The following RUNX1 variants were observed in gnomAD, a reference collection of about 807,000 sequenced individuals.
RUNX1 encodes runt-related transcription factor 1.
RUNX1 carries 19 observed loss-of-function variants against 42.8 expected under a neutral mutation model. The ratio of observed to expected loss-of-function variants is 0.44; its 90% CI spans 0.31 to 0.65. RUNX1 has a LOEUF of 0.65. Among genes scored for constraint, RUNX1 ranks in the 30% least tolerant of loss-of-function variants. RUNX1 has a pLI of 0.07. For missense variants in RUNX1, 528 were observed against 672.0 expected (o/e 0.79, Z 2.37); for synonymous variants, 271 against 289.4 (o/e 0.94, Z 0.64).
chr21:34,846,648 T>C (rs540624891), intron 6 of RUNX1, among the ~76,000 whole-genome samples: 4 of 152,314 alleles, frequency 2.6e-5, no homozygotes, highest in African/African-American at 9.6e-5. Flanking sequence ...CCGCAGTCTT[T>C]CCACCAGGTC....
chr21:35,027,334 T>C (rs1471420883), intron 2 of RUNX1, among the ~76,000 whole-genome samples: 1 of 152,168 alleles, frequency 6.6e-6, no homozygotes, highest in East Asian at 1.9e-4. Context: ...CTTGAGCAAA[T>C]GGGGACGATG....
chr21:35,040,793 A>C (rs1289621347), intron 2 of RUNX1, among the ~76,000 whole-genome samples: 5 of 150,328 alleles, frequency 3.3e-5, no homozygotes, highest in South Asian at 2.1e-4. Flanking sequence ...AAAAAAAAAA[A>C]ACCAACAACA....
At chr21:34,878,747 G>A (rs951061342) in intron 5 of RUNX1, among the ~76,000 whole-genome samples, 7 of 152,120 alleles carry the variant, frequency 4.6e-5, no homozygotes, top group African/African-American at 1.7e-4. Flanking sequence ...AATGGTCAAT[G>A]AGGGATGCAA....
intron 7 of RUNX1, chr21:34,821,346 T>G: frequency 8.4e-7 from 1 of 1,195,112 alleles, no homozygotes; most frequent in Non-Finnish European, 1.0e-6. Flanking sequence ...TGCTAAATAT[T>G]TGATAAAAAT....
chr21:34,798,465 A>C (rs1294665196), intron 8 of RUNX1, among the ~76,000 whole-genome samples: 1 of 152,198 alleles, frequency 6.6e-6, no homozygotes, highest in East Asian at 1.9e-4. Context: ...TATGCTAACC[A>C]TGACACCTGA....
At position 34,943,009 on chromosome 21, in the gene RUNX1, G is replaced by A. The variant is rs1466207754; in HGVS notation, c.59-50046C>T. Reference sequence around the variant, plus strand: ...GGCTGAGGGCAGCGAGTACGCCTTGGCAGCTTTTAACCCGTGTCCCTTCTG... The same window carrying A: ...GGCTGAGGGCAGCGAGTACGCCTTGACAGCTTTTAACCCGTGTCCCTTCTG... On this transcript the variant is annotated intron_variant, in intron 2 of 8. Coordinates refer to ENST00000675419, the MANE Select transcript of RUNX1 (RefSeq NM_001754.5). 2.0e-5 allele frequency among the ~76,000 whole-genome samples: 3 copies of A among 152,184 alleles called. No individual in the cohort carries two copies. The East Asian group carries it at 5.8e-4, about 29-fold the overall frequency.
At chr21:35,016,080 C>T (rs557000602) in intron 2 of RUNX1, among the ~76,000 whole-genome samples, 6 of 152,286 alleles carry the variant, frequency 3.9e-5, no homozygotes, top group African/African-American at 7.2e-5. Flanking sequence ...CTTTGGAAAA[C>T]GCTGAAGAGT....
chr21:35,020,678 T>A (rs550806637), intron 2 of RUNX1, among the ~76,000 whole-genome samples: 33 of 152,190 alleles, frequency 2.2e-4, no homozygotes, highest in African/African-American at 7.5e-4. Context: ...TCTTGCCCCA[T>A]CATCCATCTC....
chr21:34,855,175 C>A (rs1186001664), intron 6 of RUNX1, among the ~76,000 whole-genome samples: 1 of 152,132 alleles, frequency 6.6e-6, no homozygotes, highest in African/African-American at 2.4e-5. Flanking sequence ...CCAGGACCAG[C>A]CCCCCAAGAC....
At chr21:34,880,504 TGG>T in intron 5 of RUNX1, 51 bp downstream of exon 5, 1 of 1,577,906 alleles carries the variant, frequency 6.3e-7, no homozygotes, top group African/African-American at 1.3e-5. Flanking sequence ...TTTTGAAATG[TGG>T]GTTTGTTGCC....
intron 8 of RUNX1, among the ~76,000 whole-genome samples, chr21:34,793,082 A>G (rs1216670969): frequency 2.0e-5 from 3 of 151,872 alleles, no homozygotes; most frequent in South Asian, 4.2e-4. Context: ...TTTACCGCCC[A>G]GGAAGATTGG....
At chr21:34,926,545 ATTGTGTTTTT>A (rs879699774) in intron 2 of RUNX1, among the ~76,000 whole-genome samples, 36,784 of 88,832 alleles carry the variant, frequency 0.41, 7,538 homozygotes, top group South Asian at 0.59. Context: ...ACAAACACAA[ATTGTGTTTTT>A]CTACAGCACA....
chr21:35,038,336 G>A (rs2059325426), intron 2 of RUNX1: 2 of 332,960 alleles, frequency 6.0e-6, no homozygotes, highest in East Asian at 8.2e-5. Context: ...CGTAGAAGAA[G>A]CCCCTGGTGA....
intron 2 of RUNX1, among the ~76,000 whole-genome samples, chr21:34,941,821 ATTTTTTTCCTTTTT>A (rs2058529053): frequency 7.1e-6 from 1 of 141,036 alleles, no homozygotes; most frequent in Non-Finnish European, 1.5e-5. Flanking sequence ...TTTTTCTTTT[ATTTTTTTCCTTTTT>A]TTTTTTTTTG....
At chr21:34,940,488 G>A (rs748281592) in intron 2 of RUNX1, among the ~76,000 whole-genome samples, 30 of 152,178 alleles carry the variant, frequency 2.0e-4, no homozygotes, top group Non-Finnish European at 3.4e-4. Flanking sequence ...CTCTGATAGC[G>A]CAATGCTCAT....
chr21:34,846,407 C>T (rs2057317387), intron 6 of RUNX1, among the ~76,000 whole-genome samples: 1 of 151,632 alleles, frequency 6.6e-6, no homozygotes, highest in Admixed American at 6.6e-5. Context: ...GGCAGGACAT[C>T]CCAGGGGCCC....
At chr21:34,885,316 C>A (rs1228771045) in intron 4 of RUNX1, among the ~76,000 whole-genome samples, 2 of 152,036 alleles carry the variant, frequency 1.3e-5, no homozygotes, top group East Asian at 3.9e-4. Context: ...CCTCTCAATG[C>A]GGGTGCCCTA....
At chr21:34,941,553 T>C (rs1315143948) in intron 2 of RUNX1, among the ~76,000 whole-genome samples, 1 of 152,234 alleles carries the variant, frequency 6.6e-6, no homozygotes, top group Non-Finnish European at 1.5e-5. Flanking sequence ...GGTCTTAACA[T>C]AATCTACCAA....
intron 7 of RUNX1, among the ~76,000 whole-genome samples, chr21:34,813,160 A>T (rs978795956): frequency 1.9e-4 from 29 of 152,098 alleles, no homozygotes; most frequent in African/African-American, 6.8e-4. Context: ...CAACTGAGGA[A>T]GGGGGAGTGC....
Sources: allele counts gnomAD v4.1 joint callset (sites outside exome capture counted in the v4.1 genomes callset), GRCh38; gene constraint gnomAD v4.1.1; transcripts MANE v1.5; gene names NCBI Gene and HGNC (gene_info 2026-07-23, HGNC 2026-07-21).